STXBP2: variants seen among roughly 807,000 people sequenced by gnomAD.
STXBP2 encodes syntaxin binding protein 2.
STXBP2 carries 47 observed loss-of-function variants against 72.2 expected under a neutral mutation model. The ratio of observed to expected loss-of-function variants is 0.65; its 90% CI spans 0.51 to 0.83. STXBP2 has a LOEUF of 0.83. Among genes scored for constraint, STXBP2 ranks in the 40% least tolerant of loss-of-function variants. STXBP2 has a pLI of 0.00. For missense variants in STXBP2, 702 were observed against 807.6 expected (o/e 0.87, Z 1.58); for synonymous variants, 367 against 338.7 (o/e 1.08, Z -0.92).
intron 14 of STXBP2, 142 bp from the exon 15 acceptor site, chr19:7,645,055 C>A: frequency 6.8e-7 from 1 of 1,465,852 alleles, no homozygotes; most frequent in Non-Finnish European, 9.2e-7. Flanking sequence ...CTCTTGCTCA[C>A]ACTAGCACAG....
intron 3 of STXBP2, 67 bp downstream of exon 3, chr19:7,639,167 A>G: frequency 6.5e-7 from 1 of 1,535,708 alleles, no homozygotes; most frequent in Non-Finnish European, 8.9e-7. Context: ...CCCCTCTCCC[A>G]GGGTTCAGCC....
the STXBP2 span, chr19:7,630,443 T>A: frequency 1.4e-6 from 1 of 709,596 alleles, no homozygotes; most frequent in Non-Finnish European, 2.4e-6. Flanking sequence ...TTGGTGGGAG[T>A]TCTGGGATTC....
chr19:7,637,060 C>A, upstream of STXBP2: 1 of 1,219,402 alleles, frequency 8.2e-7, no homozygotes, highest in Non-Finnish European at 1.0e-6. Flanking sequence ...GGGACAGGGC[C>A]CGCGGGGCGG....
chr19:7,647,835 C>T lies in STXBP2; in HGVS notation c.*25C>T. Reference sequence around the variant, plus strand: ...ACCCCTGGCCCCGCCCCCTACCCCTCCCTTTCCAGAGAAATAAACTCTTCC... The same window carrying T: ...ACCCCTGGCCCCGCCCCCTACCCCTTCCTTTCCAGAGAAATAAACTCTTCC... On this transcript the variant is annotated 3_prime_UTR_variant, in exon 19 of 19. Coordinates refer to ENST00000221283, the MANE Select transcript of STXBP2 (RefSeq NM_006949.4). 3.2e-6 allele frequency: 5 copies of T among 1,585,278 alleles called. No homozygotes were observed. Among genetic ancestry groups the T allele is most frequent in the Non-Finnish European group, 4.3e-6 (5 of 1,156,650 alleles).
intron 5 of STXBP2, 36 bp downstream of exon 5, chr19:7,640,845 G>A (rs778984390): frequency 5.6e-6 from 9 of 1,613,932 alleles, no homozygotes; most frequent in Middle Eastern, 1.7e-4. Flanking sequence ...GGTGGGTGGG[G>A]CAAGGAGGTG....
In STXBP2 at chr19:7,647,812, C is replaced by A; in HGVS notation, c.*2C>A. 6.2e-7 allele frequency: 1 copy of A among 1,607,608 alleles called. No homozygotes were observed. Among genetic ancestry groups the A allele is most frequent in the Non-Finnish European group, 8.5e-7 (1 of 1,175,942 alleles). On this transcript the variant is annotated 3_prime_UTR_variant, in exon 19 of 19. Coordinates refer to ENST00000221283, the MANE Select transcript of STXBP2 (RefSeq NM_006949.4). The stretch of plus-strand genomic sequence containing the variant: ...CTGGAGGACATTGCCCTGCCCTGAC[C>A]CCTGGCCCCGCCCCCTACCCCTCCC...
In STXBP2 at chr19:7,645,081, C is replaced by T. The variant is rs1599404203; in HGVS notation, c.1247-116C>T. The T allele has an allele frequency of 4.8e-6, 7 of 1,460,600 alleles. No individual in the cohort carries two copies. In the Middle Eastern group the frequency reaches 6.3e-4, roughly 131 times the overall value. 90.5% of individuals were successfully genotyped at this position (1,460,600 alleles called of 1,614,324 possible). Reference sequence around the variant, plus strand: ...ACTAGCACAGGGTACTGAGGCCCTCCCCACTGCAAGGTTCTCTCATCAGAG... The same window carrying T: ...ACTAGCACAGGGTACTGAGGCCCTCTCCACTGCAAGGTTCTCTCATCAGAG... On this transcript the variant is annotated intron_variant, in intron 14 of 18. Transcript: ENST00000221283.
At chr19:7,630,849 A>T in the STXBP2 span, 74 of 1,537,116 alleles carry the variant, frequency 4.8e-5, no homozygotes, top group Non-Finnish European at 6.3e-5. Flanking sequence ...CTGAGAAGGT[A>T]AGTGATCTCT....
At chr19:7,631,755 AG>A in the STXBP2 span, 1 of 1,428,166 alleles carries the variant, frequency 7.0e-7, no homozygotes, top group African/African-American at 1.5e-5. Flanking sequence ...TCGGGTCCTG[AG>A]GGGTGAGCAG....
intron 16 of STXBP2, chr19:7,646,884 G>T: frequency 1.8e-6 from 1 of 559,964 alleles, no homozygotes; most frequent in African/African-American, 1.9e-5. Flanking sequence ...GGGCCTGGAG[G>T]CCCAGACTAC....
intron 15 of STXBP2, chr19:7,646,045 C>T (rs551066058): frequency 1.7e-6 from 1 of 601,642 alleles, no homozygotes; most frequent in East Asian, 2.8e-5. Context: ...CTCTCTCTCC[C>T]TTTGGCTTTC....
the STXBP2 span, chr19:7,630,106 G>A: frequency 1.9e-6 from 1 of 513,364 alleles, no homozygotes. Context: ...CTCAGAGAGG[G>A]GTGAGCTGAG....
intron 2 of STXBP2, 26 bp downstream of exon 2, chr19:7,638,801 A>C: frequency 6.2e-7 from 1 of 1,613,960 alleles, no homozygotes; most frequent in Non-Finnish European, 8.5e-7. Context: ...ATGGCTGGGT[A>C]CCCAGAGGCA....
intron 1 of STXBP2, among the ~76,000 whole-genome samples, 195 bp from the exon 2 acceptor site, chr19:7,638,531 G>A (rs1381680833): frequency 2.0e-5 from 3 of 152,052 alleles, no homozygotes; most frequent in Non-Finnish European, 4.4e-5. Flanking sequence ...GAGCCCAGGA[G>A]TTGGAGGCCG....
the STXBP2 span, chr19:7,629,830 C>T: frequency 1.3e-6 from 2 of 1,536,348 alleles, no homozygotes; most frequent in Non-Finnish European, 1.7e-6. Flanking sequence ...CCGGGAGAAA[C>T]GAGATGGGGG....
At chr19:7,635,205 C>G (rs2031479516), upstream of STXBP2, among the ~76,000 whole-genome samples, 1 of 152,178 alleles carries the variant, frequency 6.6e-6, no homozygotes, top group African/African-American at 2.4e-5. Flanking sequence ...CCCCCAGGAT[C>G]TGGAGGGTTC....
chr19:7,645,193 C>G lies in STXBP2; in HGVS notation c.1247-4C>G. 4 of 1,558,030 alleles carry G rather than the reference C, an allele frequency of 2.6e-6. No individual in the cohort carries two copies. Among genetic ancestry groups the G allele is most frequent in the Non-Finnish European group, 3.5e-6 (4 of 1,150,018 alleles). On this transcript the variant is annotated splice_region_variant and splice_polypyrimidine_tract_variant and intron_variant, in intron 14 of 18. Transcript: ENST00000221283. ...CCTCCACCCTGCCCATTCCCGTCCCCCAGGTGTGAGTGAGGAGAACCTGGC... is the reference window on the plus strand; with the variant it reads ...CCTCCACCCTGCCCATTCCCGTCCCGCAGGTGTGAGTGAGGAGAACCTGGC...
intron 4 of STXBP2, 60 bp downstream of exon 4, chr19:7,639,867 T>C (rs1367129316): frequency 9.1e-6 from 14 of 1,530,192 alleles, no homozygotes; most frequent in Non-Finnish European, 1.2e-5. Context: ...TGCATGTGTG[T>C]GTATGTCTGC....
At chr19:7,640,008 G>GTC (rs2031742044) in intron 4 of STXBP2, 8 of 683,830 alleles carry the variant, frequency 1.2e-5, no homozygotes, top group Non-Finnish European at 2.1e-5. Flanking sequence ...GTCTATGTAT[G>GTC]TGTCTGTGTG....
Sources: allele counts gnomAD v4.1 joint callset (sites outside exome capture counted in the v4.1 genomes callset), GRCh38; gene constraint gnomAD v4.1.1; transcripts MANE v1.5; gene names NCBI Gene and HGNC (gene_info 2026-07-23, HGNC 2026-07-21).